The following KYNU variants were observed in gnomAD, a reference collection of about 807,000 sequenced individuals.
The protein encoded by KYNU is L-kynurenine hydrolase.
In KYNU, 54 loss-of-function variants were observed where a neutral mutation model predicts 59.2. The observed-to-expected ratio is 0.91, with a 90% CI of 0.73 to 1.14. KYNU has a LOEUF of 1.14. Ranked by LOEUF, KYNU falls within the 50% of genes most tolerant of loss-of-function variation. KYNU has a pLI of 0.00. For synonymous variants in KYNU, 177 were observed against 192.0 expected, an observed-to-expected ratio of 0.92 and a Z score of 0.65; for missense variants, 567 against 554.4, an observed-to-expected ratio of 1.02 and a Z score of -0.23.
At chr2:142,942,052 C>A (rs1683618037) in intron 4 of KYNU, among the ~76,000 whole-genome samples, 1 of 151,246 alleles carries the variant, frequency 6.6e-6, no homozygotes, top group African/African-American at 2.4e-5. Context: ...TGGTACATTC[C>A]TGTAGTCCCA....
chr2:143,005,431 A>G (rs1685848404), intron 10 of KYNU, among the ~76,000 whole-genome samples: 1 of 152,144 alleles, frequency 6.6e-6, no homozygotes, highest in Non-Finnish European at 1.5e-5. Context: ...AGCGACCTAG[A>G]GAAACTGGAA....
intron 10 of KYNU, among the ~76,000 whole-genome samples, chr2:143,024,011 G>GA (rs1379659337): frequency 1.3e-5 from 2 of 150,542 alleles, no homozygotes; most frequent in Non-Finnish European, 3.0e-5. Context: ...AAATAACTCA[G>GA]AAAAAAATTG....
chr2:142,898,206 T>A (rs1244208886), intron 2 of KYNU, among the ~76,000 whole-genome samples: 1 of 152,178 alleles, frequency 6.6e-6, no homozygotes, highest in Non-Finnish European at 1.5e-5. Context: ...CAGCAAATCA[T>A]ACATTTCTCA....
chr2:142,987,772 A>C (rs1453138445), intron 10 of KYNU, among the ~76,000 whole-genome samples: 1 of 151,956 alleles, frequency 6.6e-6, no homozygotes. Flanking sequence ...CCCAAATCTC[A>C]TGTAGAATTG....
chr2:142,882,952 TAA>T (rs973893639), intron 1 of KYNU, among the ~76,000 whole-genome samples: 1 of 152,166 alleles, frequency 6.6e-6, no homozygotes, highest in Non-Finnish European at 1.5e-5. Flanking sequence ...ACCAACAGTG[TAA>T]AAGTGTTCCT....
chr2:142,893,185 A>G (rs1324426001), intron 2 of KYNU, among the ~76,000 whole-genome samples: 1 of 152,244 alleles, frequency 6.6e-6, no homozygotes, highest in East Asian at 1.9e-4. Context: ...TTTAGGTAAT[A>G]GTTGAAACTG....
chr2:143,036,298 A>T (rs1019703780), intron 12 of KYNU, among the ~76,000 whole-genome samples: 11 of 152,146 alleles, frequency 7.2e-5, no homozygotes, highest in African/African-American at 2.4e-4. Flanking sequence ...CAAAGGAGAC[A>T]GGGTCATTTA....
At chr2:142,904,587 G>A (rs1348911419) in intron 2 of KYNU, among the ~76,000 whole-genome samples, 1 of 152,118 alleles carries the variant, frequency 6.6e-6, no homozygotes, top group Non-Finnish European at 1.5e-5. Context: ...TAGCCAACAG[G>A]GTTATCTGAG....
chr2:143,011,919 G>A (rs950206976), intron 10 of KYNU, among the ~76,000 whole-genome samples: 2 of 115,728 alleles, frequency 1.7e-5, no homozygotes, highest in Non-Finnish European at 3.7e-5. Flanking sequence ...GTGGTGGGGT[G>A]GGGGGAGTGG....
At chr2:143,015,810 T>G (rs899656187) in intron 10 of KYNU, among the ~76,000 whole-genome samples, 24 of 152,292 alleles carry the variant, frequency 1.6e-4, no homozygotes, top group Non-Finnish European at 2.6e-4. Flanking sequence ...GACGTCAGTT[T>G]GGAAGCTCAG....
chr2:143,034,323 A>G (rs1180529868), intron 12 of KYNU, among the ~76,000 whole-genome samples: 1 of 152,144 alleles, frequency 6.6e-6, no homozygotes, highest in Non-Finnish European at 1.5e-5. Flanking sequence ...AAAATCATGT[A>G]GTTTATGATA....
chr2:143,004,555 A>T (rs1320834107), intron 10 of KYNU, among the ~76,000 whole-genome samples: 2 of 152,128 alleles, frequency 1.3e-5, no homozygotes, highest in Non-Finnish European at 2.9e-5. Context: ...TACTAAAAAT[A>T]CAAGAATTAG....
intron 3 of KYNU, among the ~76,000 whole-genome samples, chr2:142,920,028 C>T (rs374163854): frequency 5.5e-4 from 83 of 152,088 alleles, no homozygotes; most frequent in African/African-American, 2.0e-3. Context: ...GTGGAGATCA[C>T]CACTGTACTC....
chr2:143,040,983 C>G (rs1310111291), intron 13 of KYNU, among the ~76,000 whole-genome samples: 2 of 151,992 alleles, frequency 1.3e-5, no homozygotes, highest in African/African-American at 4.8e-5. Flanking sequence ...CTAGTCTGTA[C>G]TACAATTCAT....
chr2:142,904,940 T>C (rs1682235050), intron 2 of KYNU, among the ~76,000 whole-genome samples: 1 of 152,128 alleles, frequency 6.6e-6, no homozygotes, highest in South Asian at 2.1e-4. Flanking sequence ...AACATTGCCT[T>C]TGTGCTCAGG....
At chr2:142,954,081 T>C (rs567839667) in intron 4 of KYNU, 1 of 152,276 alleles carries the variant, frequency 6.6e-6, no homozygotes, top group East Asian at 1.9e-4. Flanking sequence ...TTATTATTGT[T>C]GTGATTATGC....
Position 143,010,148 on chromosome 2 carries a change from A to G in KYNU, c.903-19479A>G, listed in dbSNP as rs1186623967. On this transcript the variant is annotated intron_variant, in intron 10 of 13. Coordinates refer to ENST00000264170, the MANE Select transcript of KYNU (RefSeq NM_003937.3). ...CCCTGTTTGCAGATGACATGATTCTATATCTAGAAAACCCCATTGTCTCAG... is the reference window on the plus strand; with the variant it reads ...CCCTGTTTGCAGATGACATGATTCTGTATCTAGAAAACCCCATTGTCTCAG... Among the ~76,000 whole-genome samples the G allele has an allele frequency of 2.9e-5, 4 of 138,838 alleles. No individual in the cohort carries two copies. The East Asian group carries it at 8.6e-4, about 30-fold the overall frequency. 91.1% of individuals were successfully genotyped at this position (138,838 alleles called of 152,430 possible). A position where few individuals can be genotyped will look rare whatever the true frequency, so the allele number is the denominator to read the frequency against.
At chr2:142,991,034 A>G (rs1456134058) in intron 10 of KYNU, among the ~76,000 whole-genome samples, 1 of 151,974 alleles carries the variant, frequency 6.6e-6, no homozygotes, top group Non-Finnish European at 1.5e-5. Context: ...GGAAAGTCCC[A>G]GAAAGAATAA....
chr2:142,984,577 A>T (rs1406795801), intron 8 of KYNU, among the ~76,000 whole-genome samples: 1 of 152,070 alleles, frequency 6.6e-6, no homozygotes. Context: ...TTGCTTTAAG[A>T]TAGCCATCCT....
Sources: allele counts gnomAD v4.1 joint callset (sites outside exome capture counted in the v4.1 genomes callset), GRCh38; gene constraint gnomAD v4.1.1; transcripts MANE v1.5; gene names NCBI Gene and HGNC (gene_info 2026-07-23, HGNC 2026-07-21).